The following ABCB7 variants were observed in gnomAD, a reference collection of about 807,000 sequenced individuals.
ABCB7 encodes the protein iron-sulfur clusters transporter ABCB7, mitochondrial.
In ABCB7, 7 loss-of-function variants were observed where a neutral mutation model predicts 54.4. That is an observed-to-expected ratio of 0.13 (90% confidence interval 0.07 to 0.24). The LOEUF is 0.24. Ranked by LOEUF, ABCB7 falls within the 10% of genes least tolerant of loss-of-function variation. The pLI, the probability that ABCB7 is intolerant of heterozygous loss-of-function variation, is 1.00. For missense variants in ABCB7, 356 were observed against 570.4 expected, an observed-to-expected ratio of 0.62 and a Z score of 3.83; for synonymous variants, 218 against 207.1, an observed-to-expected ratio of 1.05 and a Z score of -0.45.
intron 15 of ABCB7, 64 bp downstream of exon 15, chrX:75,060,159 T>C: frequency 6.6e-6 from 6 of 915,548 alleles, no homozygotes; most frequent in Non-Finnish European, 9.5e-6. Context: ...ATATTTAAGC[T>C]TCTTGTATCT....
At chrX:75,109,061 CATAA>C (rs1307462264) in intron 3 of ABCB7, among the ~76,000 whole-genome samples, 1 of 111,526 alleles carries the variant, frequency 9.0e-6, no homozygotes, top group African/African-American at 3.3e-5. Context: ...AAAACAAATA[CATAA>C]ATAAATAAGT....
intron 3 of ABCB7, among the ~76,000 whole-genome samples, chrX:75,105,678 A>G (rs920764634): frequency 7.1e-5 from 8 of 112,102 alleles, no homozygotes; most frequent in Admixed American, 4.7e-4. Context: ...ATATTGAACC[A>G]AAAAAGAGGC....
At position 75,069,471 on chromosome X, in the gene ABCB7, A is replaced by G; in HGVS notation, c.1366-17T>C. On this transcript the variant is annotated splice_polypyrimidine_tract_variant and intron_variant, in intron 10 of 15. Coordinates refer to ENST00000373394, the MANE Select transcript of ABCB7 (RefSeq NM_001271696.3). Reference sequence around the variant, plus strand: ...CACTTTGTCCTAGCAGGGAAGAGAAAAAAAAAGCCACTTTACGCACTGCCT... The same window carrying G: ...CACTTTGTCCTAGCAGGGAAGAGAAGAAAAAAGCCACTTTACGCACTGCCT... 1.7e-6 allele frequency: 2 copies of G among 1,205,129 alleles called. No individual in the cohort carries two copies. The highest frequency in any genetic ancestry group is 3.5e-5 in the South Asian group (2 of 56,596).
At chrX:75,067,022 A>G (rs1602337014) in intron 12 of ABCB7, among the ~76,000 whole-genome samples, 4 of 111,547 alleles carry the variant, frequency 3.6e-5, no homozygotes, top group African/African-American at 1.3e-4. Flanking sequence ...ATCTCTGTTT[A>G]TTTCCTTACT....
chrX:75,151,240 T>A (rs953001375), intron 1 of ABCB7, among the ~76,000 whole-genome samples: 2 of 111,699 alleles, frequency 1.8e-5, no homozygotes, highest in Admixed American at 1.9e-4. Flanking sequence ...TATTCAACTA[T>A]ATCTGAAAAA....
At chrX:75,100,826 AC>A (rs1233830854) in intron 3 of ABCB7, among the ~76,000 whole-genome samples, 1 of 111,806 alleles carries the variant, frequency 8.9e-6, no homozygotes, top group Non-Finnish European at 1.9e-5. Flanking sequence ...TACAATAGGT[AC>A]CTAATGAGTA....
At chrX:75,088,017 G>A (rs966164380) in intron 4 of ABCB7, among the ~76,000 whole-genome samples, 1 of 111,808 alleles carries the variant, frequency 8.9e-6, no homozygotes, top group African/African-American at 3.2e-5. Context: ...AGATCACACT[G>A]ATATTTAATG....
intron 3 of ABCB7, 136 bp downstream of exon 3, chrX:75,112,750 G>GC: frequency 2.6e-6 from 1 of 389,786 alleles, no homozygotes; most frequent in South Asian, 3.9e-5. Flanking sequence ...CAATTAATAT[G>GC]TTTTTTTTTT....
Position 75,051,289 on chromosome X carries a change from T to C in ABCB7, c.*2081A>G, listed in dbSNP as rs1272486048. On this transcript the variant is annotated 3_prime_UTR_variant, in exon 16 of 16. Transcript: ENST00000373394. ...TGTTACTTATCAAATTACCTTTATA[T>C]AGCAAGAGTGGACACCTAAGTTAGA... is the stretch of plus-strand genomic sequence containing the variant. Among the ~76,000 whole-genome samples, 1 of 111,670 alleles carries C rather than the reference T, an allele frequency of 9.0e-6. No homozygotes were observed. The highest frequency in any genetic ancestry group is 1.9e-5 in the Non-Finnish European group (1 of 53,092).
At chrX:75,126,021 G>C (rs753084815) in intron 1 of ABCB7, among the ~76,000 whole-genome samples, 1 of 111,126 alleles carries the variant, frequency 9.0e-6, no homozygotes, top group Non-Finnish European at 1.9e-5. Context: ...ACAATAGCTA[G>C]AATACTTGTT....
At chrX:75,147,341 A>G (rs2082099094) in intron 1 of ABCB7, among the ~76,000 whole-genome samples, 1 of 111,954 alleles carries the variant, frequency 8.9e-6, no homozygotes, top group Admixed American at 9.5e-5. Flanking sequence ...AGGAATATAA[A>G]TCATTCTATT....
intron 15 of ABCB7, among the ~76,000 whole-genome samples, chrX:75,055,570 A>C (rs1308582049): frequency 2.7e-4 from 29 of 106,440 alleles, no homozygotes; most frequent in African/African-American, 9.2e-4. Context: ...AAAAAAAAAA[A>C]AAAAAAAAAC....
intron 12 of ABCB7, among the ~76,000 whole-genome samples, chrX:75,068,616 AT>A (rs2081340421): frequency 8.9e-6 from 1 of 112,097 alleles, no homozygotes; most frequent in Non-Finnish European, 1.9e-5. Context: ...CTGAACAATT[AT>A]GTGATAGACT....
At chrX:75,060,427 T>C in intron 14 of ABCB7, 97 bp from the exon 15 acceptor site, 1 of 685,149 alleles carries the variant, frequency 1.5e-6, no homozygotes, top group Non-Finnish European at 2.3e-6. Context: ...TAAAGGAACA[T>C]AAAAAATGCC....
At chrX:75,131,769 C>T (rs2081974979) in intron 1 of ABCB7, among the ~76,000 whole-genome samples, 1 of 111,682 alleles carries the variant, frequency 9.0e-6, no homozygotes, top group Non-Finnish European at 1.9e-5. Flanking sequence ...GCCCCTACTA[C>T]TCCTCACTGG....
chrX:75,116,277 T>C (rs752584318), intron 1 of ABCB7, among the ~76,000 whole-genome samples: 1 of 111,305 alleles, frequency 9.0e-6, no homozygotes, highest in South Asian at 3.9e-4. Context: ...GGCTTAACTC[T>C]TTCAACCTAT....
chrX:75,095,037 T>C (rs1026569750), intron 4 of ABCB7, among the ~76,000 whole-genome samples: 5 of 110,544 alleles, frequency 4.5e-5, no homozygotes, highest in Non-Finnish European at 9.4e-5. Context: ...CTGGAGACAA[T>C]GATAGCCTTA....
At chrX:75,132,052 G>A (rs112917628) in intron 1 of ABCB7, among the ~76,000 whole-genome samples, 1 of 110,009 alleles carries the variant, frequency 9.1e-6, no homozygotes. Flanking sequence ...GCAGGGCCCC[G>A]GGCTTGGGGC....
chrX:75,064,859 G>C (rs2081305890), intron 13 of ABCB7, among the ~76,000 whole-genome samples: 1 of 79,159 alleles, frequency 1.3e-5, no homozygotes, highest in African/African-American at 1.2e-4. Flanking sequence ...GCAGCTGCAA[G>C]TGAAAAAAAA....
Sources: allele counts gnomAD v4.1 joint callset (sites outside exome capture counted in the v4.1 genomes callset), GRCh38; gene constraint gnomAD v4.1.1; transcripts MANE v1.5; gene names NCBI Gene and HGNC (gene_info 2026-07-23, HGNC 2026-07-21).